The following SIPA1L2 variants were observed in gnomAD, a reference collection of about 807,000 sequenced individuals.
SIPA1L2 encodes signal induced proliferation associated 1 like 2, also known as signal-induced proliferation-associated 1-like protein 2.
In SIPA1L2, 56 loss-of-function variants were observed where a neutral mutation model predicts 163.9. The ratio of observed to expected loss-of-function variants is 0.34; its 90% CI spans 0.28 to 0.43. The LOEUF (loss-of-function observed/expected upper bound fraction) is 0.43. Among genes scored for constraint, SIPA1L2 ranks in the 20% least tolerant of loss-of-function variants. The pLI is 1.00. For synonymous variants in SIPA1L2, 877 were observed against 865.7 expected (o/e 1.01, Z -0.23); for missense variants, 1,974 against 2,193.5 (o/e 0.90, Z 2.00).
chr1:232,531,205 G>C (rs1433428078), intron 2 of SIPA1L2, among the ~76,000 whole-genome samples: 1 of 151,966 alleles, frequency 6.6e-6, no homozygotes, highest in African/African-American at 2.4e-5. Context: ...AGCATTTAAG[G>C]CCCTACCCAA....
At chr1:232,604,363 G>C (rs1050120011) in intron 1 of SIPA1L2, among the ~76,000 whole-genome samples, 3 of 152,146 alleles carry the variant, frequency 2.0e-5, no homozygotes, top group African/African-American at 7.2e-5. Flanking sequence ...CTCTGCTCCA[G>C]TGTAGGCAGA....
intron 2 of SIPA1L2, among the ~76,000 whole-genome samples, chr1:232,561,956 G>T (rs1659060536): frequency 6.6e-6 from 1 of 152,208 alleles, no homozygotes; most frequent in Admixed American, 6.5e-5. Flanking sequence ...TAAAGAGGAG[G>T]CCATAAAGCC....
chr1:232,400,217 C>T (rs914109976), intron 22 of SIPA1L2, among the ~76,000 whole-genome samples: 2 of 152,166 alleles, frequency 1.3e-5, no homozygotes, highest in Non-Finnish European at 2.9e-5. Flanking sequence ...TAAGAAGCAG[C>T]TGCAGCCCAC....
intron 18 of SIPA1L2, among the ~76,000 whole-genome samples, chr1:232,417,479 T>C (rs1352505181): frequency 6.6e-6 from 1 of 152,098 alleles, no homozygotes. Context: ...GTGCTTGTCC[T>C]TGCCAAGAGG....
At chr1:232,596,485 A>G (rs1278979787) in intron 1 of SIPA1L2, among the ~76,000 whole-genome samples, 1 of 152,236 alleles carries the variant, frequency 6.6e-6, no homozygotes, top group Non-Finnish European at 1.5e-5. Flanking sequence ...GGACCCTAAC[A>G]TAATTCTTTG....
chr1:232,584,399 A>AT (rs1031176691), intron 1 of SIPA1L2, among the ~76,000 whole-genome samples: 1 of 152,170 alleles, frequency 6.6e-6, no homozygotes, highest in African/African-American at 2.4e-5. Context: ...GAATTTTTGC[A>AT]TTTTTAGTAG....
intron 2 of SIPA1L2, among the ~76,000 whole-genome samples, chr1:232,554,674 T>C (rs534490077): frequency 6.6e-6 from 1 of 152,356 alleles, no homozygotes; most frequent in South Asian, 2.1e-4. Context: ...GTGCTGATGT[T>C]TTCTTTCTAG....
chr1:232,515,803 C>T (rs1210961001), intron 2 of SIPA1L2, among the ~76,000 whole-genome samples, 195 bp from the exon 3 acceptor site: 1 of 152,226 alleles, frequency 6.6e-6, no homozygotes, highest in Non-Finnish European at 1.5e-5. Context: ...TCACACCATA[C>T]AATCAGGTAT....
intron 13 of SIPA1L2, 23 bp from the exon 14 acceptor site, chr1:232,441,417 T>C (rs951722089): frequency 6.4e-6 from 10 of 1,572,428 alleles, no homozygotes; most frequent in South Asian, 1.1e-5. Flanking sequence ...AAGAGAGGAG[T>C]TGAATTTCCA....
At chr1:232,467,397 C>T (rs930274920) in intron 8 of SIPA1L2, among the ~76,000 whole-genome samples, 7 of 152,192 alleles carry the variant, frequency 4.6e-5, no homozygotes, top group African/African-American at 9.7e-5. Flanking sequence ...CAGGGATCTA[C>T]ATCAGGTGTG....
chr1:232,565,264 G>A (rs1003667776), intron 2 of SIPA1L2, among the ~76,000 whole-genome samples: 4 of 152,208 alleles, frequency 2.6e-5, no homozygotes, highest in African/African-American at 7.2e-5. Flanking sequence ...AAACCAGGTT[G>A]TTGTCTAACT....
intron 10 of SIPA1L2, among the ~76,000 whole-genome samples, chr1:232,447,443 A>G (rs1663284338): frequency 6.6e-6 from 1 of 152,180 alleles, no homozygotes; most frequent in Non-Finnish European, 1.5e-5. Flanking sequence ...TCTCCATAAG[A>G]TTTGCTGACT....
At chr1:232,402,914 A>G in intron 21 of SIPA1L2, 1 of 171,570 alleles carries the variant, frequency 5.8e-6, no homozygotes, top group Non-Finnish European at 1.3e-5. Flanking sequence ...TTAAGAATGG[A>G]TGACAGAGGT....
chr1:232,586,523 A>C (rs1396036922), intron 1 of SIPA1L2, among the ~76,000 whole-genome samples: 1 of 152,222 alleles, frequency 6.6e-6, no homozygotes, highest in Non-Finnish European at 1.5e-5. Context: ...ACGTAATCAC[A>C]CAAATCAGAA....
At chr1:232,462,280 C>T in intron 9 of SIPA1L2, 1 of 1,550,470 alleles carries the variant, frequency 6.4e-7, no homozygotes. Context: ...GTGGGAATTT[C>T]AAGTTGGGAG....
intron 2 of SIPA1L2, among the ~76,000 whole-genome samples, chr1:232,556,087 A>G (rs747281496): frequency 3.9e-5 from 6 of 152,246 alleles, no homozygotes; most frequent in Non-Finnish European, 5.9e-5. Flanking sequence ...ATGAGTGCAC[A>G]CATTCTGAAG....
chr1:232,425,026 C>T (rs1225896954), intron 18 of SIPA1L2, among the ~76,000 whole-genome samples: 1 of 152,160 alleles, frequency 6.6e-6, no homozygotes, highest in East Asian at 1.9e-4. Context: ...GTCAGGTTGA[C>T]CTGTGACTAG....
intron 3 of SIPA1L2, among the ~76,000 whole-genome samples, chr1:232,511,491 G>A (rs1246286296): frequency 1.3e-5 from 2 of 152,162 alleles, no homozygotes; most frequent in Non-Finnish European, 2.9e-5. Context: ...GACATGCTAA[G>A]TCTGGATTGA....
intron 10 of SIPA1L2, among the ~76,000 whole-genome samples, chr1:232,451,623 T>A (rs536621823): frequency 4.6e-5 from 7 of 152,196 alleles, no homozygotes; most frequent in Admixed American, 3.3e-4. Context: ...TCAGACCTCA[T>A]TGATACACAT....
Sources: allele counts gnomAD v4.1 joint callset (sites outside exome capture counted in the v4.1 genomes callset), GRCh38; gene constraint gnomAD v4.1.1; transcripts MANE v1.5; gene names NCBI Gene and HGNC (gene_info 2026-07-23, HGNC 2026-07-21).